The following OPCML variants were observed in gnomAD, a reference collection of about 807,000 sequenced individuals.
OPCML encodes opioid binding protein/cell adhesion molecule like.
A neutral mutation model predicts 37.8 loss-of-function variants in OPCML; 13 were observed. The observed-to-expected ratio is 0.34, with a 90% confidence interval of 0.22 to 0.55. OPCML has a LOEUF of 0.55. Ranked by LOEUF, OPCML falls within the 20% of genes least tolerant of loss-of-function variation. The probability of loss-of-function intolerance (pLI) is 0.91; values close to 1 mark genes in which losing one functional copy is unlikely to be tolerated. For missense variants in OPCML, 341 were observed against 435.6 expected, an observed-to-expected ratio of 0.78 and a Z score of 1.93; for synonymous variants, 176 against 168.8, an observed-to-expected ratio of 1.04 and a Z score of -0.33.
chr11:132,446,452 C>A (rs1214092232), intron 4 of OPCML, among the ~76,000 whole-genome samples: 1 of 151,552 alleles, frequency 6.6e-6, no homozygotes, highest in Admixed American at 6.6e-5. Flanking sequence ...GCAGAGTAGC[C>A]TATTTGGGCC....
At chr11:132,711,896 G>A (rs1268837633) in intron 2 of OPCML, among the ~76,000 whole-genome samples, 1 of 152,070 alleles carries the variant, frequency 6.6e-6, no homozygotes, top group Non-Finnish European at 1.5e-5. Context: ...GTGCAATAAT[G>A]GTATACACAA....
intron 1 of OPCML, among the ~76,000 whole-genome samples, chr11:132,990,790 C>T (rs1004026880): frequency 1.3e-5 from 2 of 152,210 alleles, no homozygotes; most frequent in African/African-American, 4.8e-5. Context: ...TTCCGAGTCT[C>T]TCTTGCCTGT....
At chr11:132,660,731 C>A (rs772149626) in intron 2 of OPCML, among the ~76,000 whole-genome samples, 1 of 152,114 alleles carries the variant, frequency 6.6e-6, no homozygotes, top group Non-Finnish European at 1.5e-5. Context: ...CAATCAGGTG[C>A]CATTGCCTTT....
intron 1 of OPCML, among the ~76,000 whole-genome samples, chr11:133,274,810 C>T (rs1273818712): frequency 6.6e-6 from 1 of 152,164 alleles, no homozygotes. Context: ...ACTGAGTTCT[C>T]CCTTGGAATT....
At chr11:132,843,553 T>C (rs1941391079) in intron 2 of OPCML, among the ~76,000 whole-genome samples, 1 of 151,608 alleles carries the variant, frequency 6.6e-6, no homozygotes. Flanking sequence ...GACGCATGTG[T>C]GTATGTGAGT....
At chr11:132,825,916 A>T (rs1940297144) in intron 2 of OPCML, among the ~76,000 whole-genome samples, 1 of 152,178 alleles carries the variant, frequency 6.6e-6, no homozygotes, top group East Asian at 1.9e-4. Context: ...GCTGATGTTT[A>T]TTTGTTTGTT....
At chr11:133,473,193 G>A (rs1947155857) in intron 1 of OPCML, among the ~76,000 whole-genome samples, 1 of 152,112 alleles carries the variant, frequency 6.6e-6, no homozygotes, top group Non-Finnish European at 1.5e-5. Flanking sequence ...CAGGCAACAA[G>A]GTTGACAAAG....
At chr11:132,656,454 A>G (rs183050285) in intron 3 of OPCML, among the ~76,000 whole-genome samples, 2 of 152,334 alleles carry the variant, frequency 1.3e-5, no homozygotes, top group East Asian at 3.9e-4. Context: ...ATGGAAGAAG[A>G]TGCTAAGTCT....
At chr11:132,984,965 T>C (rs1278263510) in intron 1 of OPCML, among the ~76,000 whole-genome samples, 1 of 152,124 alleles carries the variant, frequency 6.6e-6, no homozygotes, top group African/African-American at 2.4e-5. Flanking sequence ...CTGTCCTTTG[T>C]TCCCCCGTAG....
chr11:133,331,838 A>T (rs939701918), intron 1 of OPCML, among the ~76,000 whole-genome samples: 6 of 152,122 alleles, frequency 3.9e-5, no homozygotes, highest in Admixed American at 6.5e-5. Context: ...ATAAAAACCT[A>T]CAGAAAGTAT....
At chr11:132,547,106 C>G (rs79807237) in intron 3 of OPCML, among the ~76,000 whole-genome samples, 3,860 of 152,244 alleles carry the variant, frequency 0.025, 175 homozygotes, top group African/African-American at 0.088. Context: ...TGGGACACAG[C>G]AAGATGACAA....
intron 3 of OPCML, among the ~76,000 whole-genome samples, chr11:132,590,684 T>C (rs2096482928): frequency 1.3e-5 from 2 of 152,282 alleles, no homozygotes; most frequent in East Asian, 1.9e-4. Flanking sequence ...CTCTTAACCA[T>C]GACTCTACAT....
chr11:133,244,720 C>T (rs761549966), intron 1 of OPCML, among the ~76,000 whole-genome samples: 2 of 152,146 alleles, frequency 1.3e-5, no homozygotes, highest in Non-Finnish European at 2.9e-5. Flanking sequence ...CTCCTGCTCT[C>T]GCCATATGAG....
chr11:132,439,170 T>A (rs889915119), intron 4 of OPCML, among the ~76,000 whole-genome samples: 18 of 152,006 alleles, frequency 1.2e-4, no homozygotes, highest in Non-Finnish European at 2.5e-4. Context: ...AGGTTCAGAG[T>A]CATTGGGAAA....
At chr11:133,233,326 C>A (rs555536270) in intron 1 of OPCML, among the ~76,000 whole-genome samples, 2 of 152,178 alleles carry the variant, frequency 1.3e-5, no homozygotes, top group African/African-American at 4.8e-5. Flanking sequence ...CTGAAGGAAA[C>A]TGGGAAACAT....
intron 3 of OPCML, among the ~76,000 whole-genome samples, chr11:132,562,778 A>G (rs1337216476): frequency 6.6e-6 from 1 of 152,052 alleles, no homozygotes; most frequent in Non-Finnish European, 1.5e-5. Context: ...TGGGGGGTGC[A>G]TTTCATCATA....
chr11:133,157,517 C>T (rs980199365), intron 1 of OPCML, among the ~76,000 whole-genome samples: 7 of 152,180 alleles, frequency 4.6e-5, no homozygotes, highest in African/African-American at 1.7e-4. Flanking sequence ...AGGTTAATCA[C>T]CAGCAAGCTT....
intron 3 of OPCML, among the ~76,000 whole-genome samples, chr11:132,632,361 A>T (rs2135696920): frequency 6.6e-6 from 1 of 150,644 alleles, no homozygotes; most frequent in Middle Eastern, 3.5e-3. Flanking sequence ...GTTCCTTTGC[A>T]TTCGTTCCTT....
intron 1 of OPCML, among the ~76,000 whole-genome samples, chr11:133,325,884 G>C (rs946661899): frequency 6.6e-6 from 1 of 152,150 alleles, no homozygotes; most frequent in Non-Finnish European, 1.5e-5. Context: ...TCCACCTCAA[G>C]CATTTTGTCC....
Sources: allele counts gnomAD v4.1 joint callset (sites outside exome capture counted in the v4.1 genomes callset), GRCh38; gene constraint gnomAD v4.1.1; transcripts MANE v1.5; gene names NCBI Gene and HGNC (gene_info 2026-07-23, HGNC 2026-07-21).